Variants in GNPTAB observed in about 807,000 individuals in gnomAD.
GNPTAB encodes the protein N-acetylglucosamine-1-phosphotransferase subunits alpha/beta.
A neutral mutation model predicts 136.6 loss-of-function variants in GNPTAB; 92 were observed. The observed-to-expected ratio is 0.67, with a 90% CI of 0.57 to 0.80. The LOEUF is 0.80. Ranked by LOEUF, GNPTAB falls within the 30% of genes least tolerant of loss-of-function variation. GNPTAB has a pLI of 0.00. For missense variants in GNPTAB, 1,343 were observed against 1,501.8 expected, an observed-to-expected ratio of 0.89 and a Z score of 1.75; for synonymous variants, 512 against 535.1, an observed-to-expected ratio of 0.96 and a Z score of 0.60.
intron 1 of GNPTAB, among the ~76,000 whole-genome samples, chr12:101,816,453 AACATT>A (rs1181513004): frequency 6.6e-6 from 1 of 152,238 alleles, no homozygotes; most frequent in African/African-American, 2.4e-5. Flanking sequence ...AAAAATGCTC[AACATT>A]ACAAGTTATC....
At chr12:101,800,665 C>CA (rs1003807427) in intron 1 of GNPTAB, among the ~76,000 whole-genome samples, 2 of 149,944 alleles carry the variant, frequency 1.3e-5, no homozygotes, top group Admixed American at 6.6e-5. Context: ...ATAATCCCAG[C>CA]TACTAGGGAG....
chr12:101,786,732 A>G (rs1160739338), intron 4 of GNPTAB, among the ~76,000 whole-genome samples: 1 of 152,238 alleles, frequency 6.6e-6, no homozygotes, highest in African/African-American at 2.4e-5. Flanking sequence ...TGATTATAAG[A>G]AATATCTACA....
At chr12:101,775,444 C>G (rs1229581467) in intron 7 of GNPTAB, among the ~76,000 whole-genome samples, 6 of 151,022 alleles carry the variant, frequency 4.0e-5, no homozygotes, top group African/African-American at 1.5e-4. Context: ...GCTGCAACCT[C>G]TGCCTGCTGG....
At chr12:101,749,870 G>A (rs1399940005) in intron 19 of GNPTAB, among the ~76,000 whole-genome samples, 2 of 152,236 alleles carry the variant, frequency 1.3e-5, no homozygotes, top group Non-Finnish European at 2.9e-5. Context: ...GGTATGAACT[G>A]CAGCTGCTTT....
In GNPTAB at chr12:101,830,901, A is replaced by G. The variant is rs1195147384; in HGVS notation, c.-226T>C. The G allele has an allele frequency of 1.4e-5, 2 of 147,070 alleles. No homozygotes were observed. Among genetic ancestry groups the G allele is most frequent in the African/African-American group, 4.9e-5 (2 of 40,772 alleles). 9.1% of individuals were successfully genotyped at this position (147,070 alleles called of 1,614,324 possible). Reference sequence around the variant, plus strand: ...CACGCCCTCGGCGCGGCGGAGGCGGACCTGCGGCCGGCGAGGCGGCCGGCG... The same window carrying G: ...CACGCCCTCGGCGCGGCGGAGGCGGGCCTGCGGCCGGCGAGGCGGCCGGCG... On this transcript the variant is annotated 5_prime_UTR_variant, in exon 1 of 21. Transcript: ENST00000299314.
Position 101,764,915 on chromosome 12 carries a change from C to A in GNPTAB, c.2002G>T (p.Asp668Tyr). The change falls in exon 13 of 21, where the codon GAT becomes TAT. Residue 668 changes from aspartate (D) to tyrosine (Y), a missense_variant. Asp to Tyr is a radical substitution (Grantham distance 160). Transcript: ENST00000299314. ...GGGAAGCGTTTTTCTTTGGGAATAT[C>A]CTCAAAAAGGATTTCCGCCTCTGGA... ...LLPEAEILFE[D>Y]IPKEKRFPKF... The A allele has an allele frequency of 1.2e-6, 2 of 1,613,792 alleles. No individual in the cohort carries two copies. Among genetic ancestry groups the A allele is most frequent in the Non-Finnish European group, 1.7e-6 (2 of 1,180,004 alleles).
chr12:101,804,432 T>C (rs1026631894), intron 1 of GNPTAB, among the ~76,000 whole-genome samples: 2 of 152,204 alleles, frequency 1.3e-5, no homozygotes, highest in South Asian at 2.1e-4. Context: ...GTTTGTTTTA[T>C]TGCTCAGAGT....
chr12:101,796,049 A>G, intron 2 of GNPTAB: 1 of 514,944 alleles, frequency 1.9e-6, no homozygotes, highest in Non-Finnish European at 3.4e-6. Context: ...AAAGACCCAC[A>G]CTAATGAGGT....
intron 5 of GNPTAB, chr12:101,785,681 T>A (rs1419405816): frequency 3.7e-5 from 10 of 266,998 alleles, no homozygotes; most frequent in African/African-American, 6.7e-5. Context: ...CTGCCCAAAC[T>A]GCAGAACGCT....
In GNPTAB at chr12:101,782,386, T is replaced by A. The variant is rs961724986; in HGVS notation, c.572-1765A>T. On this transcript the variant is annotated intron_variant, in intron 5 of 20. Transcript: ENST00000299314. ...GTGCTGTGGCCACACTGAATTTCCA[T>A]CACATTTTTGTGCTTTTAAACAGAA... is the stretch of plus-strand genomic sequence containing the variant. Among the ~76,000 whole-genome samples, 8 of 152,150 alleles carry A rather than the reference T, an allele frequency of 5.3e-5. No individual in the cohort carries two copies. The East Asian group carries it at 7.7e-4, about 15-fold the overall frequency.
chr12:101,763,583 A>G (rs1953034478), intron 13 of GNPTAB, among the ~76,000 whole-genome samples: 1 of 152,010 alleles, frequency 6.6e-6, no homozygotes, highest in Non-Finnish European at 1.5e-5. Flanking sequence ...CCATATCTCA[A>G]CACAGACACA....
At chr12:101,765,548 T>TA in intron 12 of GNPTAB, 1 of 511,596 alleles carries the variant, frequency 2.0e-6, no homozygotes, top group Non-Finnish European at 3.5e-6. Flanking sequence ...AATTTCAAAA[T>TA]AATCAGATAT....
At chr12:101,765,509 C>A (rs1439651290) in intron 12 of GNPTAB, 1 of 576,190 alleles carries the variant, frequency 1.7e-6, no homozygotes, top group Non-Finnish European at 3.1e-6. Flanking sequence ...GAAGTAGGCA[C>A]TGAGTTTTCA....
rs551926199 is a variant in GNPTAB at position 101,818,781 on chromosome 12, T to C, written c.117+11778A>G. Among the ~76,000 whole-genome samples the C allele has an allele frequency of 5.3e-5, 8 of 152,278 alleles. No individual in the cohort carries two copies. The East Asian group carries it at 7.7e-4, about 15-fold the overall frequency. On this transcript the variant is annotated intron_variant, in intron 1 of 20. Transcript: ENST00000299314. ...TAGCTCCCATAATCCCCATGTGTCA[T>C]GGGAGGGACCTGATGGGAGGTAACC...
chr12:101,787,062 A>G (rs1868696583), intron 4 of GNPTAB, among the ~76,000 whole-genome samples: 1 of 152,242 alleles, frequency 6.6e-6, no homozygotes, highest in African/African-American at 2.4e-5. Flanking sequence ...GTATACATAT[A>G]TACTTATTCA....
intron 1 of GNPTAB, among the ~76,000 whole-genome samples, chr12:101,818,245 C>T (rs938655318): frequency 1.3e-5 from 2 of 152,220 alleles, no homozygotes; most frequent in African/African-American, 4.8e-5. Context: ...TCAGGTATCA[C>T]ACCATCTGAG....
chr12:101,759,805 A>G (rs759019089), intron 16 of GNPTAB, among the ~76,000 whole-genome samples: 21 of 152,372 alleles, frequency 1.4e-4, no homozygotes, highest in Non-Finnish European at 2.4e-4. Context: ...ACATCCGCTT[A>G]TGGAATATAA....
chr12:101,791,081 T>C (rs766279240), intron 2 of GNPTAB, among the ~76,000 whole-genome samples: 5 of 152,180 alleles, frequency 3.3e-5, no homozygotes, highest in Non-Finnish European at 1.5e-5. Context: ...TGCTGACATA[T>C]GAGACACTAG....
rs112056979 is a variant in GNPTAB, at chr12:101,786,000, A to G, written c.571+12T>C. On this transcript the variant is annotated intron_variant, in intron 5 of 20. Transcript: ENST00000299314. Reference sequence around the variant, plus strand: ...ATAACATGATTTTAAAATATCCATAAAAAGATCTTACCATCCTTAGTACTG... The same window carrying G: ...ATAACATGATTTTAAAATATCCATAGAAAGATCTTACCATCCTTAGTACTG... The G allele has an allele frequency of 3.8e-4, 599 of 1,581,682 alleles. No individual in the cohort carries two copies. The African/African-American group carries it at 7.5e-3, about 20-fold the overall frequency.
Sources: gnomAD v4.1 joint callset for allele counts (sites outside exome capture counted in the v4.1 genomes callset) on GRCh38, gnomAD v4.1.1 for gene constraint, MANE v1.5 for transcripts, NCBI Gene and HGNC (gene_info 2026-07-23, HGNC 2026-07-21) for gene names.